The following PKHD1 variants were observed in gnomAD, a reference collection of about 807,000 sequenced individuals.
The protein encoded by PKHD1 is PKHD1 ciliary IPT domain containing fibrocystin/polyductin.
PKHD1 carries 291 observed loss-of-function variants against 412.0 expected under a neutral mutation model. That is an observed-to-expected ratio of 0.71 (90% CI 0.64 to 0.78). The LOEUF is 0.78. Among genes scored for constraint, PKHD1 ranks in the 30% least tolerant of loss-of-function variants. The probability of loss-of-function intolerance (pLI) is 0.00; values close to 1 mark genes in which losing one functional copy is unlikely to be tolerated. For missense variants in PKHD1, 4,825 were observed against 4,950.7 expected, an observed-to-expected ratio of 0.97 and a Z score of 0.76; for synonymous variants, 1,777 against 1,821.5, an observed-to-expected ratio of 0.98 and a Z score of 0.62.
Position 52,035,194 on chromosome 6 carries a change from A to G in PKHD1, c.3228+397T>C, listed in dbSNP as rs59566604. Among the ~76,000 whole-genome samples, 270 of 152,358 alleles carry G rather than the reference A, an allele frequency of 1.8e-3. 2 individuals are homozygous for G. Among genetic ancestry groups the G allele is most frequent in the African/African-American group, 6.0e-3 (249 of 41,588 alleles). On this transcript the variant is annotated intron_variant, in intron 28 of 66. Coordinates refer to ENST00000371117, the MANE Select transcript of PKHD1 (RefSeq NM_138694.4). ...TTTCTAAGTTCTACAATTAATACCCATACTAGAAAACAAAATTGCTGATGA... is the reference window on the plus strand; with the variant it reads ...TTTCTAAGTTCTACAATTAATACCCGTACTAGAAAACAAAATTGCTGATGA...
Position 51,909,298 on chromosome 6 carries a change from C to T in PKHD1, c.6667G>A (p.Val2223Met). The change falls in exon 40 of 67, where the codon GTG becomes ATG. Residue 2223 changes from valine (V) to methionine (M), a missense_variant. Transcript: ENST00000371117. Reference protein sequence around the residue: ...FHKHLSSLTLVGAMRESFIQG... With the variant: ...FHKHLSSLTLMGAMRESFIQG... ...ACCCCCTTACCTCTCATAGCTCCCA[C>T]CAGAGTGAGTGAGCTCAGATGCTTA... The T allele has an allele frequency of 1.2e-6, 2 of 1,613,326 alleles. No homozygotes were observed. Among genetic ancestry groups the T allele is most frequent in the Admixed American group, 1.7e-5 (1 of 59,916 alleles).
At chr6:51,789,633 T>C (rs6940892) in intron 53 of PKHD1, among the ~76,000 whole-genome samples, 21,913 of 152,128 alleles carry the variant, frequency 0.14, 1,724 homozygotes, top group African/African-American at 0.21. Flanking sequence ...TGGTTATATT[T>C]GCACTTGGAA....
At chr6:51,975,905 G>A (rs1199535930) in intron 35 of PKHD1, 1 of 137,902 alleles carries the variant, frequency 7.3e-6, no homozygotes, top group Non-Finnish European at 1.5e-5. Flanking sequence ...GCTGGAGCCT[G>A]CCCATGAATA....
intron 49 of PKHD1, among the ~76,000 whole-genome samples, chr6:51,853,741 C>T (rs1772754256): frequency 6.6e-6 from 1 of 152,144 alleles, no homozygotes; most frequent in Admixed American, 6.5e-5. Context: ...TCACAAAATT[C>T]TCATGCTGTG....
chr6:52,069,398 G>A (rs1050558133), intron 11 of PKHD1, 59 bp downstream of exon 11: 37 of 1,200,796 alleles, frequency 3.1e-5, no homozygotes, highest in Middle Eastern at 3.8e-4. Context: ...GATAGGGAAG[G>A]AGGGGCCAAC....
At chr6:51,743,984 G>A (rs374536415) in intron 60 of PKHD1, among the ~76,000 whole-genome samples, 2 of 152,142 alleles carry the variant, frequency 1.3e-5, no homozygotes, top group African/African-American at 4.8e-5. Flanking sequence ...TTGAGAGAGC[G>A]CTTTAAGTCC....
intron 52 of PKHD1, among the ~76,000 whole-genome samples, chr6:51,795,458 T>C (rs940151631): frequency 1.3e-5 from 2 of 152,182 alleles, no homozygotes; most frequent in African/African-American, 4.8e-5. Context: ...AGCTATAGGA[T>C]CATTTCATCT....
intron 40 of PKHD1, among the ~76,000 whole-genome samples, chr6:51,907,300 A>G (rs1782257888): frequency 6.6e-6 from 1 of 152,150 alleles, no homozygotes; most frequent in Admixed American, 6.6e-5. Flanking sequence ...GGGACTATCC[A>G]AAAAATTCTA....
intron 35 of PKHD1, among the ~76,000 whole-genome samples, chr6:51,997,870 C>G (rs565724204): frequency 6.6e-6 from 1 of 152,282 alleles, no homozygotes; most frequent in South Asian, 2.1e-4. Context: ...TCGTTTCTGC[C>G]TAATGGTTCC....
chr6:51,733,662 T>C (rs1034949690), intron 60 of PKHD1, among the ~76,000 whole-genome samples: 2 of 152,142 alleles, frequency 1.3e-5, no homozygotes, highest in African/African-American at 4.8e-5. Context: ...TAGAAGGAAT[T>C]TAGAATTCCT....
At chr6:52,051,635 T>C (rs1806860547) in intron 21 of PKHD1, among the ~76,000 whole-genome samples, 1 of 152,104 alleles carries the variant, frequency 6.6e-6, no homozygotes, top group South Asian at 2.1e-4. Flanking sequence ...GTGAGGGCAG[T>C]AAGAAAAAGT....
At chr6:51,701,770 T>A in intron 60 of PKHD1, among the ~76,000 whole-genome samples, 1 of 151,984 alleles carries the variant, frequency 6.6e-6, no homozygotes, top group East Asian at 1.9e-4. Context: ...TCTCCAACTT[T>A]ATATAAGTTT....
intron 47 of PKHD1, among the ~76,000 whole-genome samples, chr6:51,868,383 A>G (rs944164281): frequency 2.6e-5 from 4 of 151,956 alleles, no homozygotes; most frequent in Non-Finnish European, 4.4e-5. Flanking sequence ...TGATTTTTCT[A>G]TCATGGTTGA....
intron 60 of PKHD1, among the ~76,000 whole-genome samples, chr6:51,705,842 G>A (rs897351271): frequency 6.6e-6 from 1 of 152,128 alleles, no homozygotes; most frequent in Non-Finnish European, 1.5e-5. Flanking sequence ...ATGGTCATGG[G>A]CAGAGAAGGG....
intron 33 of PKHD1, among the ~76,000 whole-genome samples, 197 bp from the exon 34 acceptor site, chr6:52,017,826 T>C (rs953630894): frequency 2.0e-5 from 3 of 152,168 alleles, no homozygotes; most frequent in Non-Finnish European, 4.4e-5. Context: ...ATATGAATAA[T>C]CATCATAAAA....
intron 37 of PKHD1, among the ~76,000 whole-genome samples, chr6:51,925,361 T>C (rs1561895730): frequency 1.3e-5 from 2 of 152,160 alleles, no homozygotes; most frequent in Admixed American, 6.5e-5. Flanking sequence ...CTTTGGTGAC[T>C]GTGATGGTTA....
At chr6:51,807,437 CAAAAAAAA>C (rs1174429085) in intron 52 of PKHD1, among the ~76,000 whole-genome samples, 4,371 of 38,876 alleles carry the variant, frequency 0.11, 225 homozygotes, top group South Asian at 0.24. Context: ...GACTCTGTCT[CAAAAAAAA>C]AAAAAAAAAA....
intron 44 of PKHD1, 70 bp from the exon 45 acceptor site, chr6:51,886,042 A>C: frequency 2.1e-6 from 2 of 943,682 alleles, no homozygotes; most frequent in Non-Finnish European, 3.4e-6. Flanking sequence ...TCTTGTTGAA[A>C]AATACAAAGT....
chr6:51,647,707 C>A (rs1770293843), intron 63 of PKHD1, among the ~76,000 whole-genome samples: 1 of 152,136 alleles, frequency 6.6e-6, no homozygotes, highest in Non-Finnish European at 1.5e-5. Flanking sequence ...ACTGAGTGGA[C>A]TGTAGAAAAC....
Sources: allele counts gnomAD v4.1 joint callset (sites outside exome capture counted in the v4.1 genomes callset), GRCh38; gene constraint gnomAD v4.1.1; transcripts MANE v1.5; gene names NCBI Gene and HGNC (gene_info 2026-07-23, HGNC 2026-07-21).